The following SLX9 variants were observed in gnomAD, a reference collection of about 807,000 sequenced individuals.
SLX9 encodes the protein SLX9 ribosome biogenesis factor.
SLX9 carries 19 observed loss-of-function variants against 20.8 expected under a neutral mutation model. That is an observed-to-expected ratio of 0.91 (90% confidence interval 0.64 to 1.34). SLX9 has a LOEUF of 1.34. Among genes scored for constraint, SLX9 ranks in the 40% most tolerant of loss-of-function variants. The pLI is 0.00. For synonymous variants in SLX9, 113 were observed against 137.1 expected, an observed-to-expected ratio of 0.82 and a Z score of 1.23; for missense variants, 299 against 322.2, an observed-to-expected ratio of 0.93 and a Z score of 0.55.
At chr21:44,962,712 G>A (rs1297295876) in intron 3 of SLX9, among the ~76,000 whole-genome samples, 1 of 152,190 alleles carries the variant, frequency 6.6e-6, no homozygotes, top group Non-Finnish European at 1.5e-5. Context: ...TCATAGGGTA[G>A]GTGTATGTTT....
chr21:44,957,703 C>T (rs2084883168), intron 2 of SLX9, among the ~76,000 whole-genome samples: 1 of 152,224 alleles, frequency 6.6e-6, no homozygotes, highest in African/African-American at 2.4e-5. Flanking sequence ...TGTTCCCCCA[C>T]AGGGAGGCCT....
chr21:44,967,338 T>C (rs1186053585), intron 4 of SLX9, among the ~76,000 whole-genome samples, 157 bp downstream of exon 4: 1 of 152,204 alleles, frequency 6.6e-6, no homozygotes, highest in Non-Finnish European at 1.5e-5. Context: ...GGTACCCTGT[T>C]CTCAGGGCGT....
intron 5 of SLX9, among the ~76,000 whole-genome samples, chr21:44,975,953 C>T (rs2085253046): frequency 6.6e-6 from 1 of 152,264 alleles, no homozygotes; most frequent in Non-Finnish European, 1.5e-5. Context: ...TTGCACAAGG[C>T]TCCGTGCACA....
At position 44,969,034 on chromosome 21, in the gene SLX9, T is replaced by C. The variant is rs147451488; in HGVS notation, c.500+1853T>C. 1.2e-3 allele frequency: 490 copies of C among 412,986 alleles called. 10 individuals are homozygous for C. The East Asian group carries it at 0.032, about 27-fold the overall frequency. 25.6% of individuals were successfully genotyped at this position (412,986 alleles called of 1,614,324 possible). ...TCCCAAAGTGCTGGGATTACAGGCGTGAGCCACCGCGCCTGGCCTAATTTT... is the reference window on the plus strand; with the variant it reads ...TCCCAAAGTGCTGGGATTACAGGCGCGAGCCACCGCGCCTGGCCTAATTTT... On this transcript the variant is annotated intron_variant, in intron 4 of 5. Transcript: ENST00000291634.
At chr21:44,955,234 G>C (rs2084834317) in intron 2 of SLX9, among the ~76,000 whole-genome samples, 1 of 146,814 alleles carries the variant, frequency 6.8e-6, no homozygotes, top group Non-Finnish European at 1.5e-5. Flanking sequence ...AAGTAAGAAA[G>C]CTTGGAAAAC....
intron 5 of SLX9, among the ~76,000 whole-genome samples, chr21:44,974,880 G>A (rs897221516): frequency 6.6e-6 from 1 of 152,234 alleles, no homozygotes; most frequent in East Asian, 1.9e-4. Context: ...CCTGGTCCGG[G>A]GAGCCCCTCC....
At chr21:44,964,559 T>C (rs921011421) in intron 3 of SLX9, among the ~76,000 whole-genome samples, 1 of 151,804 alleles carries the variant, frequency 6.6e-6, no homozygotes. Context: ...GCCTCTATGC[T>C]CCACCACACA....
At chr21:44,949,563 A>G (rs1344957480) in intron 2 of SLX9, among the ~76,000 whole-genome samples, 1 of 152,126 alleles carries the variant, frequency 6.6e-6, no homozygotes, top group Non-Finnish European at 1.5e-5. Flanking sequence ...CTCTGAAGCC[A>G]CAGAGGCCTA....
At chr21:44,970,885 C>G (rs974450189) in intron 4 of SLX9, among the ~76,000 whole-genome samples, 2 of 152,208 alleles carry the variant, frequency 1.3e-5, no homozygotes, top group Middle Eastern at 3.2e-3. Context: ...CCCCTCAGTC[C>G]CCTCCCAACC....
chr21:44,955,950 C>A (rs779475155), intron 2 of SLX9, among the ~76,000 whole-genome samples: 5 of 152,056 alleles, frequency 3.3e-5, no homozygotes, highest in Non-Finnish European at 7.4e-5. Flanking sequence ...GCACCCAAGT[C>A]GGCCTCCGCC....
upstream of SLX9, chr21:44,939,749 C>CCGAGGGCGGGT: frequency 1.9e-6 from 1 of 540,022 alleles, no homozygotes; most frequent in Non-Finnish European, 3.6e-6. Context: ...CCGCGGGGGT[C>CCGAGGGCGGGT]GCGTCCTCTC....
rs77534538 is a variant in SLX9, at chr21:44,967,191, C to T, written c.500+10C>T. On this transcript the variant is annotated intron_variant, in intron 4 of 5. Transcript: ENST00000291634. Reference sequence around the variant, plus strand: ...GGCGCCAAGCCCGCAGGTGAGTGTCCGGGAGGGGTGGCCCTTTCCGAGCTG... The same window carrying T: ...GGCGCCAAGCCCGCAGGTGAGTGTCTGGGAGGGGTGGCCCTTTCCGAGCTG... 180,428 of 1,563,028 alleles carry T rather than the reference C, an allele frequency of 0.12. 11,003 individuals carry two copies. Among genetic ancestry groups the T allele is most frequent in the Admixed American group, 0.19 (9,912 of 53,152 alleles).
intron 1 of SLX9, among the ~76,000 whole-genome samples, chr21:44,940,566 C>T (rs2084524083): frequency 6.6e-6 from 1 of 152,182 alleles, no homozygotes. Context: ...TTCCCTTTAG[C>T]AGTCGGCTGG....
intron 4 of SLX9, among the ~76,000 whole-genome samples, chr21:44,970,594 C>T (rs897195784): frequency 5.3e-5 from 8 of 152,212 alleles, no homozygotes; most frequent in Non-Finnish European, 8.8e-5. Flanking sequence ...GGGCGGCGGG[C>T]CGTGTCTCTG....
chr21:44,974,495 T>C (rs1473251516), intron 5 of SLX9, among the ~76,000 whole-genome samples: 1 of 152,262 alleles, frequency 6.6e-6, no homozygotes. Context: ...ATTTTTACTC[T>C]AGACACTTTG....
At chr21:44,960,776 C>G (rs1484405629) in intron 3 of SLX9, among the ~76,000 whole-genome samples, 1 of 152,250 alleles carries the variant, frequency 6.6e-6, no homozygotes, top group Non-Finnish European at 1.5e-5. Context: ...GAAAGCCACA[C>G]TTCCCACTCA....
chr21:44,949,301 G>GTGGGCCC (rs1312361534), intron 2 of SLX9, among the ~76,000 whole-genome samples: 17 of 152,256 alleles, frequency 1.1e-4, no homozygotes, highest in Non-Finnish European at 1.9e-4. Flanking sequence ...GGAGTGGATT[G>GTGGGCCC]TGGGCCCTGG....
At chr21:44,943,554 C>A in intron 1 of SLX9, 130 bp from the exon 2 acceptor site, 1 of 1,274,678 alleles carries the variant, frequency 7.8e-7, no homozygotes, top group Non-Finnish European at 1.1e-6. Context: ...TCCCCCAGGT[C>A]CTCCCGGGCA....
At chr21:44,946,262 A>T (rs146366522) in intron 2 of SLX9, among the ~76,000 whole-genome samples, 1 of 150,430 alleles carries the variant, frequency 6.6e-6, no homozygotes, top group East Asian at 1.9e-4. Flanking sequence ...CTTAATTCAC[A>T]TACCCTTATT....
Sources: gnomAD v4.1 joint callset for allele counts (sites outside exome capture counted in the v4.1 genomes callset) on GRCh38, gnomAD v4.1.1 for gene constraint, MANE v1.5 for transcripts, NCBI Gene and HGNC (gene_info 2026-07-23, HGNC 2026-07-21) for gene names.